LYRM4: variants seen among roughly 807,000 people sequenced by gnomAD.
LYRM4 encodes LYR motif containing 4.
Under a neutral mutation model 11.7 loss-of-function variants are expected in LYRM4, and 9 were observed. The observed-to-expected ratio is 0.77, with a 90% CI of 0.46 to 1.34. The LOEUF (loss-of-function observed/expected upper bound fraction) is 1.34. Among genes scored for constraint, LYRM4 ranks in the 40% most tolerant of loss-of-function variants. The pLI is 0.00. For synonymous variants in LYRM4, 42 were observed against 40.4 expected, an observed-to-expected ratio of 1.04 and a Z score of -0.15; for missense variants, 133 against 112.5, an observed-to-expected ratio of 1.18 and a Z score of -0.82.
At chr6:5,179,978 G>T (rs1420689188) in intron 2 of LYRM4, among the ~76,000 whole-genome samples, 3 of 152,198 alleles carry the variant, frequency 2.0e-5, no homozygotes, top group Non-Finnish European at 4.4e-5. Flanking sequence ...TACTGTGCCA[G>T]TCACTCAGAA....
the LYRM4 span, among the ~76,000 whole-genome samples, chr6:5,083,614 G>A: frequency 6.6e-6 from 1 of 152,188 alleles, no homozygotes; most frequent in Non-Finnish European, 1.5e-5. Context: ...CTGCAGTGTT[G>A]TGTCCTATAT....
At chr6:5,138,682 A>C in intron 2 of LYRM4, 1 of 1,515,030 alleles carries the variant, frequency 6.6e-7, no homozygotes, top group South Asian at 1.2e-5. Context: ...ACACAAGAAA[A>C]TATCAAGATG....
intron 2 of LYRM4, among the ~76,000 whole-genome samples, chr6:5,129,197 G>A (rs906923450): frequency 4.6e-5 from 7 of 152,166 alleles, no homozygotes; most frequent in South Asian, 2.1e-4. Flanking sequence ...CATTGGGCTC[G>A]CGGGCTGCCC....
chr6:5,053,982 A>C, the LYRM4 span: 1 of 212,264 alleles, frequency 4.7e-6, no homozygotes, highest in African/African-American at 2.4e-5. Flanking sequence ...TTCTGAGAGT[A>C]ACACCTGTGC....
chr6:5,154,613 G>A (rs2746236), intron 2 of LYRM4, among the ~76,000 whole-genome samples: 68,613 of 152,002 alleles, frequency 0.45, 16,171 homozygotes, highest in East Asian at 0.61. Context: ...TCAGGAGATC[G>A]AGACCATCCT....
At chr6:5,260,548 A>G (rs943483942) in intron 1 of LYRM4, 100 bp downstream of exon 1, 1 of 1,466,846 alleles carries the variant, frequency 6.8e-7, no homozygotes, top group African/African-American at 1.4e-5. Context: ...CCGGCAAACC[A>G]CGGTGGCTCC....
the LYRM4 span, among the ~76,000 whole-genome samples, chr6:5,082,068 A>G: frequency 2.0e-5 from 3 of 152,208 alleles, no homozygotes; most frequent in East Asian, 5.8e-4. Flanking sequence ...TCTTCTTTAT[A>G]ATAAACTGGT....
chr6:5,154,779 A>G (rs111711146), intron 2 of LYRM4, among the ~76,000 whole-genome samples: 5 of 152,148 alleles, frequency 3.3e-5, no homozygotes, highest in African/African-American at 9.7e-5. Context: ...GGATCGCGCC[A>G]CTGCACTCCA....
chr6:5,050,723 C>A, the LYRM4 span, among the ~76,000 whole-genome samples: 1 of 152,158 alleles, frequency 6.6e-6, no homozygotes, highest in Non-Finnish European at 1.5e-5. Context: ...GACAGACACC[C>A]TACCAAGGCA....
At chr6:5,217,752 T>C (rs1342023433) in intron 1 of LYRM4, among the ~76,000 whole-genome samples, 6 of 152,166 alleles carry the variant, frequency 3.9e-5, no homozygotes, top group Non-Finnish European at 8.8e-5. Flanking sequence ...TAGAGTGGTG[T>C]GGATAATTAG....
chr6:5,256,850 C>T (rs1401603605), intron 1 of LYRM4, among the ~76,000 whole-genome samples: 2 of 152,170 alleles, frequency 1.3e-5, no homozygotes, highest in African/African-American at 4.8e-5. Flanking sequence ...AGTTTAAATT[C>T]ACCCTCTCTG....
rs570170887 is a variant in LYRM4, at chr6:5,243,327, T to C, written c.86+17321A>G. Among the ~76,000 whole-genome samples, 6 of 152,346 alleles carry C rather than the reference T, an allele frequency of 3.9e-5. No individual in the cohort carries two copies. The East Asian group carries it at 1.2e-3, about 29-fold the overall frequency. ...GCTGGCCATGTAGCTCCCACTCTTGTGCACACGGCAAGGACTCTGCGAACA... is the reference window on the plus strand; with the variant it reads ...GCTGGCCATGTAGCTCCCACTCTTGCGCACACGGCAAGGACTCTGCGAACA... On this transcript the variant is annotated intron_variant, in intron 1 of 2. Coordinates refer to ENST00000330636, the MANE Select transcript of LYRM4 (RefSeq NM_020408.6).
chr6:5,260,590 A>ACCCCCGGGCCCCCGG, intron 1 of LYRM4, 58 bp downstream of exon 1: 1 of 1,270,492 alleles, frequency 7.9e-7, no homozygotes, highest in Non-Finnish European at 1.1e-6. Flanking sequence ...GTCAGCCCGC[A>ACCCCCGGGCCCCCGG]CCCCCGGTCC....
chr6:5,046,844 C>G, the LYRM4 span, among the ~76,000 whole-genome samples: 8 of 152,226 alleles, frequency 5.3e-5, no homozygotes, highest in Admixed American at 5.2e-4. Flanking sequence ...AACGCCAACA[C>G]TTTGGGAGGC....
rs113274358 is a variant in LYRM4, at chr6:5,157,357, T to C, written c.208-47866A>G. The stretch of plus-strand genomic sequence containing the variant: ...TATGATGCAGTACTCTGATAATTGG[T>C]AGGTTATTGCCAGGTTCGGATTGTC... On this transcript the variant is annotated intron_variant, in intron 2 of 2. Coordinates refer to ENST00000330636, the MANE Select transcript of LYRM4 (RefSeq NM_020408.6). 2.3e-3 allele frequency among the ~76,000 whole-genome samples: 346 copies of C among 152,274 alleles called. 2 individuals are homozygous for C. The highest frequency in any genetic ancestry group is 7.7e-3 in the African/African-American group (318 of 41,558).
At chr6:5,096,202 G>T in the LYRM4 span, among the ~76,000 whole-genome samples, 1 of 152,116 alleles carries the variant, frequency 6.6e-6, no homozygotes, top group Admixed American at 6.5e-5. Context: ...CAAAGAAACT[G>T]CCACTAGGTG....
intron 2 of LYRM4, among the ~76,000 whole-genome samples, chr6:5,143,047 G>A (rs1336428930): frequency 6.6e-6 from 1 of 152,210 alleles, no homozygotes; most frequent in Non-Finnish European, 1.5e-5. Context: ...CAGCCTCTCC[G>A]GAAGTTGGGA....
At chr6:5,140,422 T>A (rs1007621474) in intron 2 of LYRM4, among the ~76,000 whole-genome samples, 4 of 152,100 alleles carry the variant, frequency 2.6e-5, no homozygotes, top group African/African-American at 9.7e-5. Context: ...ATTGAAAAAA[T>A]CTGTTTGGAG....
chr6:5,032,415 AAAATT>A, the LYRM4 span: 1 of 152,232 alleles, frequency 6.6e-6, no homozygotes, highest in African/African-American at 2.4e-5. Flanking sequence ...ATAACATATT[AAAATT>A]AAAAGATACA....
Sources: gnomAD v4.1 joint callset for allele counts (sites outside exome capture counted in the v4.1 genomes callset) on GRCh38, gnomAD v4.1.1 for gene constraint, MANE v1.5 for transcripts, NCBI Gene and HGNC (gene_info 2026-07-23, HGNC 2026-07-21) for gene names.